GK: variants seen among roughly 807,000 people sequenced by gnomAD.
GK encodes ATP:glycerol 3-phosphotransferase.
Under a neutral mutation model 56.4 loss-of-function variants are expected in GK, and 9 were observed. That is an observed-to-expected ratio of 0.16 (90% CI 0.10 to 0.28). The LOEUF (loss-of-function observed/expected upper bound fraction) is 0.28, where lower values mean the gene tolerates loss of function less well. GK is among the 10% of genes least tolerant of loss of function. The pLI is 1.00. For missense variants in GK, 161 were observed against 431.4 expected, an observed-to-expected ratio of 0.37 and a Z score of 5.55; for synonymous variants, 104 against 144.1, an observed-to-expected ratio of 0.72 and a Z score of 1.99.
chrX:30,716,176 C>T (rs137971501), intron 13 of GK, among the ~76,000 whole-genome samples: 22 of 112,363 alleles, frequency 2.0e-4, no homozygotes, highest in African/African-American at 7.1e-4. Context: ...TACTAGACTC[C>T]TAGCACAGTG....
chrX:30,661,911 G>A (rs1932769592), intron 1 of GK, among the ~76,000 whole-genome samples: 1 of 112,773 alleles, frequency 8.9e-6, no homozygotes, highest in Non-Finnish European at 1.9e-5. Context: ...TTGCCTCTGG[G>A]TACTGTGTTT....
rs372272551 is a variant in GK at position 30,658,697 on chromosome X, G to A, written c.78+5082G>A. On this transcript the variant is annotated intron_variant, in intron 1 of 20. Transcript: ENST00000427190. Reference sequence around the variant, plus strand: ...GCCCATCACATTACACAAGTACCAGGAACACATTCTCAACAGAGAGCTGCC... The same window carrying A: ...GCCCATCACATTACACAAGTACCAGAAACACATTCTCAACAGAGAGCTGCC... 6.9e-4 allele frequency among the ~76,000 whole-genome samples: 78 copies of A among 112,471 alleles called. No individual in the cohort carries two copies. In the South Asian group the frequency reaches 0.023, roughly 33 times the overall value.
At chrX:30,698,665 C>T (rs1488115571) in intron 9 of GK, among the ~76,000 whole-genome samples, 1 of 102,392 alleles carries the variant, frequency 9.8e-6, no homozygotes, top group Non-Finnish European at 2.0e-5. Flanking sequence ...GATCGCGCCA[C>T]TGCACTCCAG....
chrX:30,717,275 G>A (rs1318968332), intron 13 of GK, among the ~76,000 whole-genome samples: 1 of 109,837 alleles, frequency 9.1e-6, no homozygotes, highest in Non-Finnish European at 1.9e-5. Flanking sequence ...ATTCCTAATG[G>A]TTCGTGCTGA....
At chrX:30,706,333 G>A (rs1306133454) in intron 11 of GK, among the ~76,000 whole-genome samples, 1 of 112,326 alleles carries the variant, frequency 8.9e-6, no homozygotes, top group East Asian at 2.8e-4. Context: ...GATGGGATCT[G>A]TTGAGTTAGT....
At chrX:30,678,400 C>A (rs1026459116) in intron 4 of GK, among the ~76,000 whole-genome samples, 2 of 111,494 alleles carry the variant, frequency 1.8e-5, no homozygotes, top group Admixed American at 1.9e-4. Flanking sequence ...TTCTAAATTA[C>A]AATCACTAAA....
chrX:30,712,374 T>C (rs1250551389), intron 13 of GK, among the ~76,000 whole-genome samples: 2 of 111,855 alleles, frequency 1.8e-5, no homozygotes, highest in East Asian at 5.5e-4. Context: ...CAAACCATTT[T>C]TCACAGTAGA....
intron 2 of GK, among the ~76,000 whole-genome samples, chrX:30,667,417 T>C (rs1933159751): frequency 9.0e-6 from 1 of 111,439 alleles, no homozygotes; most frequent in African/African-American, 3.3e-5. Context: ...GCCCTGGTAC[T>C]TTACCAAAAT....
intron 4 of GK, among the ~76,000 whole-genome samples, chrX:30,686,213 C>T (rs1443525906): frequency 3.5e-5 from 4 of 112,980 alleles, no homozygotes; most frequent in Admixed American, 1.9e-4. Flanking sequence ...CTGAGAATGT[C>T]ATCAGGTGAG....
chrX:30,662,271 G>A (rs1932782833), intron 1 of GK, among the ~76,000 whole-genome samples: 1 of 112,373 alleles, frequency 8.9e-6, no homozygotes, highest in Admixed American at 9.4e-5. Flanking sequence ...AATTTCATAT[G>A]TTTCTTTTTA....
chrX:30,670,649 C>T (rs900273056), intron 3 of GK, among the ~76,000 whole-genome samples: 3 of 111,400 alleles, frequency 2.7e-5, no homozygotes, highest in Admixed American at 9.6e-5. Context: ...AAGGACCAAG[C>T]TTTTGCTTGC....
chrX:30,717,981 A>G (rs1936713621), intron 13 of GK, among the ~76,000 whole-genome samples: 2 of 111,598 alleles, frequency 1.8e-5, no homozygotes, highest in African/African-American at 6.5e-5. Context: ...TTACACAGCA[A>G]TTAAGTACTA....
rs1465891512 is a variant in GK, at chrX:30,721,765, C to T, written c.1501+770C>T. 3.6e-5 allele frequency: 4 copies of T among 112,139 alleles called. No individual in the cohort carries two copies. The South Asian group carries it at 1.1e-3, about 31-fold the overall frequency. 9.2% of individuals were successfully genotyped at this position (112,139 alleles called of 1,213,427 possible). The stretch of plus-strand genomic sequence containing the variant: ...CACAGCAGGACTAACCTGATGAAGG[C>T]AGCAACAATTTAAGTAAGTGAACAT... On this transcript the variant is annotated intron_variant, in intron 18 of 20. Transcript: ENST00000427190.
At chrX:30,727,977 G>T (rs1475613456) in intron 20 of GK, among the ~76,000 whole-genome samples, 1 of 111,654 alleles carries the variant, frequency 9.0e-6, no homozygotes, top group South Asian at 3.7e-4. Context: ...ATTCTGGCAA[G>T]TTTCAGCCAG....
intron 13 of GK, among the ~76,000 whole-genome samples, chrX:30,717,961 G>C (rs1359544713): frequency 9.0e-6 from 1 of 111,328 alleles, no homozygotes; most frequent in Admixed American, 9.5e-5. Flanking sequence ...ACTTAGATTA[G>C]TTACTAAGAT....
At chrX:30,707,925 G>A (rs1297871588) in intron 12 of GK, 129 bp from the exon 13 acceptor site, 5 of 479,841 alleles carry the variant, frequency 1.0e-5, no homozygotes, top group Admixed American at 3.6e-5. Flanking sequence ...TTGACTGTAA[G>A]GATTTATTTT....
intron 1 of GK, among the ~76,000 whole-genome samples, chrX:30,655,155 G>A (rs951449236): frequency 1.6e-4 from 18 of 111,229 alleles, no homozygotes; most frequent in African/African-American, 5.5e-4. Context: ...CTCTTGCACT[G>A]TTTATCTTTT....
intron 13 of GK, among the ~76,000 whole-genome samples, chrX:30,716,223 A>G (rs1254813592): frequency 3.6e-5 from 4 of 112,125 alleles, no homozygotes; most frequent in Non-Finnish European, 7.5e-5. Flanking sequence ...TACTTGCCTA[A>G]AACAATTATG....
At chrX:30,692,561 C>G (rs1024703274) in intron 5 of GK, among the ~76,000 whole-genome samples, 3 of 109,784 alleles carry the variant, frequency 2.7e-5, no homozygotes, top group Non-Finnish European at 5.7e-5. Flanking sequence ...TCACTGCAAC[C>G]TCTGCCTCCT....
Sources: gnomAD v4.1 joint callset for allele counts (sites outside exome capture counted in the v4.1 genomes callset) on GRCh38, gnomAD v4.1.1 for gene constraint, MANE v1.5 for transcripts, NCBI Gene and HGNC (gene_info 2026-07-23, HGNC 2026-07-21) for gene names.